The following UBAP2 variants were observed in gnomAD, a reference collection of about 807,000 sequenced individuals.
UBAP2 encodes ubiquitin associated protein 2.
Under a neutral mutation model 139.6 loss-of-function variants are expected in UBAP2, and 75 were observed. That is an observed-to-expected ratio of 0.54 (90% confidence interval 0.45 to 0.65). The LOEUF (loss-of-function observed/expected upper bound fraction) is 0.65. UBAP2 is among the 30% of genes least tolerant of loss of function. The pLI, the probability that UBAP2 is intolerant of heterozygous loss-of-function variation, is 0.00. For synonymous variants in UBAP2, 526 were observed against 526.2 expected, an observed-to-expected ratio of 1.00 and a Z score of 0.01; for missense variants, 1,368 against 1,369.6, an observed-to-expected ratio of 1.00 and a Z score of 0.02.
In UBAP2 at chr9:33,941,766, T is replaced by G. The variant is rs1241068687; in HGVS notation, c.1812A>C (p.Ser604=). Residue 604 remains serine (S), a synonymous_variant, in exon 16 of 29, where the codon TCA becomes TCC. Transcript: ENST00000379238. The part of the protein sequence containing the change: ...VITSCSLTSS[S]LNSASPVAMS... ...TTGCTACTGGACTAGCAGAATTCAG[T>G]GATGAGCTTGTCAGACTGCAGGAGG... is the stretch of plus-strand genomic sequence containing the variant. 3 of 1,614,040 alleles carry G rather than the reference T, an allele frequency of 1.9e-6. No homozygotes were observed. Among genetic ancestry groups the G allele is most frequent in the Non-Finnish European group, 2.5e-6 (3 of 1,179,964 alleles).
intron 8 of UBAP2, 51 bp from the exon 9 acceptor site, chr9:33,963,842 T>TCC: frequency 9.7e-7 from 1 of 1,028,464 alleles, no homozygotes; most frequent in Non-Finnish European, 1.5e-6. Flanking sequence ...AGAATGAAAG[T>TCC]ATTCATCACA....
At chr9:33,937,599 CAAAAAAA>C (rs1185167927) in intron 16 of UBAP2, among the ~76,000 whole-genome samples, 8 of 85,500 alleles carry the variant, frequency 9.4e-5, no homozygotes, top group Admixed American at 1.3e-4. Context: ...GACTCTGTCT[CAAAAAAA>C]AAAAAAAAAA....
In UBAP2 at chr9:33,924,300, G is replaced by C. The variant is rs968704675; in HGVS notation, c.2512-16C>G. 4 of 1,609,536 alleles carry C rather than the reference G, an allele frequency of 2.5e-6. No individual in the cohort carries two copies. The highest frequency in any genetic ancestry group is 3.4e-6 in the Non-Finnish European group (4 of 1,176,250). On this transcript the variant is annotated splice_polypyrimidine_tract_variant and intron_variant, in intron 22 of 28. Coordinates refer to ENST00000379238, the MANE Select transcript of UBAP2 (RefSeq NM_001370062.2). ...CATAGTAGTCCTAGGAGAGACCAGG[G>C]AGGCTTGATCAGCGACTGGCCCTGC...
chr9:33,980,841 G>A (rs1156262151), intron 6 of UBAP2, among the ~76,000 whole-genome samples: 5 of 151,082 alleles, frequency 3.3e-5, no homozygotes, highest in Non-Finnish European at 5.9e-5. Context: ...CAGCTACTAG[G>A]GACGCTGAGG....
intron 16 of UBAP2, among the ~76,000 whole-genome samples, chr9:33,938,259 G>GC (rs1237955801): frequency 6.6e-6 from 1 of 151,968 alleles, no homozygotes; most frequent in Admixed American, 6.6e-5. Flanking sequence ...CTCCCAAATT[G>GC]CCAGGACCAC....
rs1316535004 is a variant in UBAP2 at position 33,933,786 on chromosome 9, T to C, written c.1970-158A>G. On this transcript the variant is annotated intron_variant, in intron 17 of 28. Coordinates refer to ENST00000379238, the MANE Select transcript of UBAP2 (RefSeq NM_001370062.2). ...GGAAAATGCCAAGCATATCGCCAGA[T>C]AGCCCTTTGTCTGTCAAACAACACT... The C allele has an allele frequency of 9.5e-6, 5 of 527,358 alleles. No homozygotes were observed. The African/African-American group carries it at 1.0e-4, about 11-fold the overall frequency. 32.7% of individuals were successfully genotyped at this position (527,358 alleles called of 1,614,324 possible).
rs1253648850 is a variant in UBAP2, at chr9:33,932,561, CTG to C, written c.2174_2175del (p.His726CysfsTer35). 1.2e-6 allele frequency: 2 copies of C among 1,613,816 alleles called. No individual in the cohort carries two copies. Among genetic ancestry groups the C allele is most frequent in the Non-Finnish European group, 8.5e-7 (1 of 1,180,024 alleles). On this transcript the variant is annotated frameshift_variant and splice_region_variant, in exon 19 of 29. Coordinates refer to ENST00000379238, the MANE Select transcript of UBAP2 (RefSeq NM_001370062.2). LOFTEE classifies it high-confidence loss of function. ...HAALSSSTSH[T>X]HASVESASSH... ...GAAGAGGAAGCCGCGCAGACACTTA[CTG>C]TGTGTGACGTGCTCGAGGAGAGGGC...
intron 7 of UBAP2, among the ~76,000 whole-genome samples, chr9:33,972,341 A>C (rs2131058343): frequency 6.6e-6 from 1 of 152,342 alleles, no homozygotes; most frequent in East Asian, 1.9e-4. Context: ...AGTAAACAGA[A>C]AAATCCACAA....
intron 2 of UBAP2, among the ~76,000 whole-genome samples, chr9:34,005,069 C>G (rs1823071603): frequency 6.6e-6 from 1 of 151,920 alleles, no homozygotes; most frequent in African/African-American, 2.4e-5. Flanking sequence ...TCAAGACCAG[C>G]CTGGCCAACA....
At position 33,925,561 on chromosome 9, in the gene UBAP2, G is replaced by A. The variant is rs1237133660; in HGVS notation, c.2511+1056C>T. On this transcript the variant is annotated intron_variant, in intron 22 of 28. Transcript: ENST00000379238. ...GCCCCTGAAGCAGAATGAATCCCGG[G>A]GCTCAGCACCACCTCCTGCAGTTTG... Among the ~76,000 whole-genome samples, 6 of 152,300 alleles carry A rather than the reference G, an allele frequency of 3.9e-5. No homozygotes were observed. The South Asian group carries it at 1.2e-3, about 32-fold the overall frequency.
In UBAP2 at chr9:33,921,874, T is replaced by G. The variant is rs940856765; in HGVS notation, c.*630A>C. 3.9e-5 allele frequency: 6 copies of G among 152,142 alleles called. No homozygotes were observed. Among genetic ancestry groups the G allele is most frequent in the African/African-American group, 1.5e-4 (6 of 41,318 alleles). 9.4% of individuals were successfully genotyped at this position (152,142 alleles called of 1,614,324 possible). ...TTTTTTTTTTCATGGTCAGCCAGTC[T>G]CTAGTAAGTCTCTAGGGACATGACC... On this transcript the variant is annotated 3_prime_UTR_variant, in exon 29 of 29. Transcript: ENST00000379238.
At chr9:33,928,046 T>TG in intron 19 of UBAP2, 54 bp from the exon 20 acceptor site, 1 of 1,545,484 alleles carries the variant, frequency 6.5e-7, no homozygotes, top group Non-Finnish European at 8.7e-7. Context: ...AGGAGGGTGC[T>TG]GGGGAGAGCC....
At chr9:33,949,740 C>G (rs569751320) in intron 12 of UBAP2, among the ~76,000 whole-genome samples, 218 of 152,234 alleles carry the variant, frequency 1.4e-3, no homozygotes, top group Middle Eastern at 6.8e-3. Context: ...CACACACGCA[C>G]AAGATCAAAT....
chr9:33,990,080 TGAGA>T (rs1409754198), intron 4 of UBAP2, among the ~76,000 whole-genome samples: 2 of 151,728 alleles, frequency 1.3e-5, no homozygotes, highest in African/African-American at 4.8e-5. Flanking sequence ...TATAAATGGC[TGAGA>T]AAGAAAAAGA....
chr9:33,927,123 A>G, intron 20 of UBAP2, 43 bp from the exon 21 acceptor site: 1 of 1,489,344 alleles, frequency 6.7e-7, no homozygotes, highest in East Asian at 2.3e-5. Context: ...TGGTCACCAC[A>G]AAGAGTGAGA....
Position 33,987,476 on chromosome 9 carries a change from G to C in UBAP2, c.443-639C>G, listed in dbSNP as rs564529615. Among the ~76,000 whole-genome samples the C allele has an allele frequency of 3.9e-5, 6 of 152,060 alleles. No homozygotes were observed. In the South Asian group the frequency reaches 1.2e-3, roughly 32 times the overall value. ...ATTATCCAGGTATGGTTGTGACAGC[G>C]TGCAGCTAGTAGTCCCAGCTACTCA... On this transcript the variant is annotated intron_variant, in intron 5 of 28. Coordinates refer to ENST00000379238, the MANE Select transcript of UBAP2 (RefSeq NM_001370062.2).
At chr9:33,993,792 T>C (rs1392927804) in intron 4 of UBAP2, among the ~76,000 whole-genome samples, 1 of 152,222 alleles carries the variant, frequency 6.6e-6, no homozygotes, top group Non-Finnish European at 1.5e-5. Context: ...ATTTGCTATT[T>C]TCTTATCTTT....
At chr9:33,980,531 G>A (rs538575052) in intron 6 of UBAP2, among the ~76,000 whole-genome samples, 22 of 151,800 alleles carry the variant, frequency 1.4e-4, no homozygotes, top group African/African-American at 4.6e-4. Flanking sequence ...GTGAGCCACC[G>A]CACCCGGCGA....
At chr9:33,935,164 G>GGC (rs1491230905) in intron 17 of UBAP2, among the ~76,000 whole-genome samples, 41 of 7,440 alleles carry the variant, frequency 5.5e-3, no homozygotes, top group Non-Finnish European at 0.015. Context: ...TGGAAGTGGC[G>GGC]GGGGGGGGGG....
Sources: allele counts gnomAD v4.1 joint callset (sites outside exome capture counted in the v4.1 genomes callset), GRCh38; gene constraint gnomAD v4.1.1; transcripts MANE v1.5; gene names NCBI Gene and HGNC (gene_info 2026-07-23, HGNC 2026-07-21).